Variants in TMEM132D observed in about 807,000 individuals in gnomAD.
The protein encoded by TMEM132D is mature OL transmembrane protein.
TMEM132D carries 21 observed loss-of-function variants against 62.3 expected under a neutral mutation model. The ratio of observed to expected loss-of-function variants is 0.34; its 90% confidence interval spans 0.24 to 0.49. TMEM132D has a LOEUF of 0.49. Ranked by LOEUF, TMEM132D falls within the 20% of genes least tolerant of loss-of-function variation. The pLI is 0.99. For missense variants in TMEM132D, 1,346 were observed against 1,402.8 expected (o/e 0.96, Z 0.65); for synonymous variants, 621 against 575.6 (o/e 1.08, Z -1.13).
At chr12:129,722,727 CCTTTTT>C (rs1473020406) in intron 1 of TMEM132D, among the ~76,000 whole-genome samples, 1 of 121,146 alleles carries the variant, frequency 8.3e-6, no homozygotes, top group East Asian at 2.7e-4. Flanking sequence ...AATCCTGGCT[CCTTTTT>C]CTTTTTTTCT....
intron 3 of TMEM132D, among the ~76,000 whole-genome samples, chr12:129,461,293 C>T (rs770128928): frequency 2.0e-5 from 3 of 152,140 alleles, no homozygotes; most frequent in South Asian, 4.1e-4. Flanking sequence ...AAAGGGGACT[C>T]TGGGAACCAA....
intron 1 of TMEM132D, among the ~76,000 whole-genome samples, chr12:129,823,429 A>G (rs1295378143): frequency 6.6e-6 from 1 of 152,252 alleles, no homozygotes; most frequent in East Asian, 1.9e-4. Flanking sequence ...GTTTAGGCGC[A>G]GTACGCCCCT....
intron 2 of TMEM132D, among the ~76,000 whole-genome samples, chr12:129,689,949 G>C (rs1391660851): frequency 6.6e-6 from 1 of 152,196 alleles, no homozygotes; most frequent in Non-Finnish European, 1.5e-5. Flanking sequence ...CCCAAATGTG[G>C]AGAGACAGAT....
At chr12:129,625,795 C>A (rs1879197759) in intron 2 of TMEM132D, among the ~76,000 whole-genome samples, 2 of 152,080 alleles carry the variant, frequency 1.3e-5, no homozygotes, top group Non-Finnish European at 2.9e-5. Flanking sequence ...TTTTTAAACT[C>A]CCTAATCTGT....
intron 1 of TMEM132D, among the ~76,000 whole-genome samples, chr12:129,749,733 G>A (rs1020163798): frequency 2.6e-5 from 4 of 152,018 alleles, no homozygotes; most frequent in African/African-American, 9.7e-5. Flanking sequence ...CCAAAGTGCT[G>A]GGATTACAGG....
intron 2 of TMEM132D, among the ~76,000 whole-genome samples, chr12:129,570,088 T>C (rs192405332): frequency 2.8e-4 from 43 of 152,276 alleles, no homozygotes; most frequent in African/African-American, 9.9e-4. Flanking sequence ...AGAAGTGCCA[T>C]AGTGAGTTTA....
rs67597510 is a variant in TMEM132D at position 129,749,463 on chromosome 12, CTT to C, written c.80-48767_80-48766del. Among the ~76,000 whole-genome samples, 1,185 of 143,314 alleles carry C rather than the reference CTT, an allele frequency of 8.3e-3. 36 individuals are homozygous for C. In the East Asian group the frequency reaches 0.13, roughly 16 times the overall value. 94.0% of individuals were successfully genotyped at this position (143,314 alleles called of 152,430 possible). On this transcript the variant is annotated intron_variant, in intron 1 of 8. Transcript: ENST00000422113. ...TGTTTACAAATGAAGTGAAAAGAAT[CTT>C]TTTTTTTTTTTTTTTGAGTCTCACT...
rs111323897 is a variant in TMEM132D, at chr12:129,427,243, T to G, written c.1116-89426A>C. ...ATAACATACGGGGTGAAGCCTCAGG[T>G]GGGGCATCATAATCACGCAGCATCA... On this transcript the variant is annotated intron_variant, in intron 3 of 8. Transcript: ENST00000422113. Among the ~76,000 whole-genome samples the G allele has an allele frequency of 5.1e-3, 778 of 152,168 alleles. 8 individuals are homozygous for G. Among genetic ancestry groups the G allele is most frequent in the Non-Finnish European group, 7.6e-3 (518 of 67,994 alleles).
intron 4 of TMEM132D, among the ~76,000 whole-genome samples, chr12:129,230,368 G>C (rs1047200085): frequency 6.6e-6 from 1 of 152,218 alleles, no homozygotes; most frequent in African/African-American, 2.4e-5. Context: ...ATGTGGGGCT[G>C]TGATTCTATG....
intron 2 of TMEM132D, among the ~76,000 whole-genome samples, chr12:129,641,179 C>A (rs1384630819): frequency 6.6e-6 from 1 of 152,194 alleles, no homozygotes; most frequent in East Asian, 1.9e-4. Flanking sequence ...TTCCATAAAA[C>A]TGGTTCCTGG....
At position 129,348,587 on chromosome 12, in the gene TMEM132D, G is replaced by T. The variant is rs149636114; in HGVS notation, c.1116-10770C>A. 8.9e-3 allele frequency among the ~76,000 whole-genome samples: 1,350 copies of T among 152,100 alleles called. 42 individuals carry two copies. Among genetic ancestry groups the T allele is most frequent in the Admixed American group, 0.053 (817 of 15,280 alleles). ...TGGGTAAGGGAAGGGAGAGCATGAG[G>T]ACAAATACCTAATACATGCTGGGCT... On this transcript the variant is annotated intron_variant, in intron 3 of 8. Coordinates refer to ENST00000422113, the MANE Select transcript of TMEM132D (RefSeq NM_133448.3).
At chr12:129,268,618 A>G (rs1593317367) in intron 4 of TMEM132D, among the ~76,000 whole-genome samples, 3 of 152,158 alleles carry the variant, frequency 2.0e-5, no homozygotes, top group Non-Finnish European at 4.4e-5. Flanking sequence ...ATTGTGGAAG[A>G]CAGTGTGGCG....
intron 3 of TMEM132D, among the ~76,000 whole-genome samples, chr12:129,344,586 G>A (rs942925156): frequency 6.6e-6 from 1 of 152,112 alleles, no homozygotes; most frequent in Non-Finnish European, 1.5e-5. Context: ...GTTAGGAGCT[G>A]ACTTAGTTGC....
intron 2 of TMEM132D, among the ~76,000 whole-genome samples, chr12:129,593,022 C>T (rs536289670): frequency 2.8e-4 from 43 of 152,140 alleles, no homozygotes; most frequent in Admixed American, 5.9e-4. Flanking sequence ...CAAATTGATG[C>T]CACATGGAGG....
chr12:129,287,440 C>G (rs1039195923), intron 4 of TMEM132D, among the ~76,000 whole-genome samples: 1 of 152,072 alleles, frequency 6.6e-6, no homozygotes, highest in Non-Finnish European at 1.5e-5. Flanking sequence ...AATTTGTGGG[C>G]AAAATATGGC....
At chr12:129,397,759 A>G (rs1315032283) in intron 3 of TMEM132D, among the ~76,000 whole-genome samples, 1 of 152,196 alleles carries the variant, frequency 6.6e-6, no homozygotes, top group African/African-American at 2.4e-5. Flanking sequence ...CTAGAATAGA[A>G]CTGAAAGGAA....
intron 3 of TMEM132D, among the ~76,000 whole-genome samples, chr12:129,358,640 T>C: frequency 6.6e-6 from 1 of 152,158 alleles, no homozygotes; most frequent in Admixed American, 6.5e-5. Context: ...CCAACATAAA[T>C]TGGCAACTGT....
intron 2 of TMEM132D, among the ~76,000 whole-genome samples, chr12:129,692,542 T>G (rs901035859): frequency 7.9e-5 from 12 of 152,350 alleles, no homozygotes; most frequent in African/African-American, 2.6e-4. Context: ...TGCATGCATA[T>G]GTTCATTGCA....
chr12:129,607,336 C>G (rs977097813), intron 2 of TMEM132D, among the ~76,000 whole-genome samples: 2 of 152,154 alleles, frequency 1.3e-5, no homozygotes, highest in African/African-American at 4.8e-5. Context: ...CAAAAACCTG[C>G]GATCGCATGC....
Sources: gnomAD v4.1 joint callset for allele counts (sites outside exome capture counted in the v4.1 genomes callset) on GRCh38, gnomAD v4.1.1 for gene constraint, MANE v1.5 for transcripts, NCBI Gene and HGNC (gene_info 2026-07-23, HGNC 2026-07-21) for gene names.